KDM4C: variants seen among roughly 807,000 people sequenced by gnomAD.
KDM4C encodes the protein lysine demethylase 4C.
Under a neutral mutation model 129.3 loss-of-function variants are expected in KDM4C, and 81 were observed. That is an observed-to-expected ratio of 0.63 (90% CI 0.52 to 0.75). The LOEUF (loss-of-function observed/expected upper bound fraction) is 0.75, where lower values mean the gene tolerates loss of function less well. Ranked by LOEUF, KDM4C falls within the 30% of genes least tolerant of loss-of-function variation. The pLI, the probability that KDM4C is intolerant of heterozygous loss-of-function variation, is 0.00. For missense variants in KDM4C, 1,457 were observed against 1,304.0 expected (o/e 1.12, Z -1.81); for synonymous variants, 573 against 456.1 (o/e 1.26, Z -3.26).
chr9:7,094,176 G>C (rs191731981), intron 17 of KDM4C, among the ~76,000 whole-genome samples: 5 of 152,266 alleles, frequency 3.3e-5, no homozygotes, highest in Admixed American at 1.3e-4. Context: ...CCATTTACTT[G>C]TCCTCAAAGG....
At chr9:7,122,258 C>G (rs1335073865) in intron 18 of KDM4C, among the ~76,000 whole-genome samples, 2 of 126,870 alleles carry the variant, frequency 1.6e-5, no homozygotes, top group Non-Finnish European at 3.2e-5. Flanking sequence ...CACACACACA[C>G]ACACACACTC....
intron 10 of KDM4C, among the ~76,000 whole-genome samples, chr9:6,984,755 ATAAT>A (rs144946531): frequency 0.013 from 1,918 of 152,300 alleles, 22 homozygotes; most frequent in Admixed American, 0.023. Context: ...CCAATTATAG[ATAAT>A]TCTTTGTAGA....
chr9:6,967,222 A>G (rs1367451947), intron 8 of KDM4C, among the ~76,000 whole-genome samples: 1 of 152,000 alleles, frequency 6.6e-6, no homozygotes. Context: ...TCAGGAGTTC[A>G]AGACCAACCT....
In KDM4C at chr9:7,015,938, C is replaced by CT; in HGVS notation, c.2259+11dup. On this transcript the variant is annotated intron_variant, in intron 15 of 21. Coordinates refer to ENST00000381309, the MANE Select transcript of KDM4C (RefSeq NM_015061.6). ...GAAATGCGTGGACAGCAGTAAGTAG[C>CT]TTATTTTAGTATTGCTTAACCTTTC... The CT allele has an allele frequency of 6.2e-7, 1 of 1,600,470 alleles. No homozygotes were observed. The highest frequency in any genetic ancestry group is 8.6e-7 in the Non-Finnish European group (1 of 1,168,438).
At chr9:7,154,607 A>T (rs1411178422) in intron 19 of KDM4C, among the ~76,000 whole-genome samples, 1 of 152,192 alleles carries the variant, frequency 6.6e-6, no homozygotes, top group Non-Finnish European at 1.5e-5. Context: ...CTTTTAGTTG[A>T]TGGAGCAAGT....
intron 17 of KDM4C, among the ~76,000 whole-genome samples, chr9:7,089,971 C>G (rs555600047): frequency 1.3e-5 from 2 of 152,318 alleles, no homozygotes; most frequent in South Asian, 4.1e-4. Context: ...GCCTGCCTGC[C>G]CATGCCAGTG....
At chr9:6,980,450 C>T (rs818913) in intron 8 of KDM4C, among the ~76,000 whole-genome samples, 112,818 of 152,096 alleles carry the variant, frequency 0.74, 42,199 homozygotes, top group Middle Eastern at 0.81. Context: ...TATGAGAGTT[C>T]GTTAATAACC....
intron 1 of KDM4C, among the ~76,000 whole-genome samples, chr9:6,742,076 G>A (rs1321156324): frequency 3.9e-5 from 6 of 151,954 alleles, no homozygotes; most frequent in Admixed American, 6.6e-5. Context: ...GGGTTCAAGC[G>A]ATTTTCCTGC....
intron 1 of KDM4C, among the ~76,000 whole-genome samples, chr9:6,749,969 A>T (rs1040741693): frequency 1.4e-5 from 2 of 138,454 alleles, no homozygotes; most frequent in African/African-American, 5.6e-5. Flanking sequence ...CTGGGCAACA[A>T]CAGTGAAACT....
rs1287489261 is a variant in KDM4C at position 6,746,323 on chromosome 9, C to T, written c.49+25326C>T. On this transcript the variant is annotated intron_variant, in intron 1 of 17. Transcript: ENST00000536108. ...TTGCTCTGTCGCCCAGGCTGGAGTG[C>T]AGTGGAGCAATCTCGGCTCACTGCA... 3.0e-5 allele frequency among the ~76,000 whole-genome samples: 4 copies of T among 131,434 alleles called. No homozygotes were observed. The South Asian group carries it at 7.3e-4, about 24-fold the overall frequency. The allele number at this position is 131,434 out of a possible 152,430, so 86.2% of individuals were successfully genotyped here.
chr9:7,101,531 G>A (rs1837088858), intron 17 of KDM4C, among the ~76,000 whole-genome samples: 1 of 152,056 alleles, frequency 6.6e-6, no homozygotes. Context: ...AGTTATAATA[G>A]TTTACTGTTA....
At chr9:6,857,502 T>C (rs369213595) in intron 5 of KDM4C, among the ~76,000 whole-genome samples, 227 of 152,262 alleles carry the variant, frequency 1.5e-3, no homozygotes, top group African/African-American at 5.4e-3. Flanking sequence ...CCCAAAACAT[T>C]GATCTCTGTG....
chr9:6,726,714 T>G (rs1157862591), intron 1 of KDM4C: 1 of 152,202 alleles, frequency 6.6e-6, no homozygotes, highest in Non-Finnish European at 1.5e-5. Flanking sequence ...AGAATTGCCT[T>G]AATCTTTTTA....
At chr9:6,993,336 T>G (rs965842680) in intron 12 of KDM4C, among the ~76,000 whole-genome samples, 6 of 152,200 alleles carry the variant, frequency 3.9e-5, no homozygotes, top group African/African-American at 1.2e-4. Context: ...ACTGCCTCTT[T>G]TTTTCTTTTA....
At chr9:6,820,909 C>T (rs1441779233) in intron 4 of KDM4C, among the ~76,000 whole-genome samples, 12 of 150,554 alleles carry the variant, frequency 8.0e-5, no homozygotes, top group African/African-American at 2.5e-4. Context: ...TGTGATGTTC[C>T]CTGCCCTGTG....
chr9:6,744,091 A>C (rs1817795451), intron 1 of KDM4C, among the ~76,000 whole-genome samples: 1 of 103,798 alleles, frequency 9.6e-6, no homozygotes, highest in East Asian at 3.4e-4. Flanking sequence ...CCAGATAACA[A>C]CACTTTGTTA....
chr9:7,094,089 C>A (rs1836127400), intron 17 of KDM4C, among the ~76,000 whole-genome samples: 1 of 152,156 alleles, frequency 6.6e-6, no homozygotes, highest in African/African-American at 2.4e-5. Context: ...ACCATCTTTA[C>A]CTATCCAGTG....
intron 18 of KDM4C, among the ~76,000 whole-genome samples, chr9:7,115,225 G>T (rs769865260): frequency 6.6e-6 from 1 of 151,818 alleles, no homozygotes; most frequent in Non-Finnish European, 1.5e-5. Flanking sequence ...TATTTTTTTC[G>T]TAGATAAGGT....
At chr9:6,801,301 G>T (rs1252952220) in intron 2 of KDM4C, among the ~76,000 whole-genome samples, 2 of 132,122 alleles carry the variant, frequency 1.5e-5, no homozygotes, top group Non-Finnish European at 3.1e-5. Flanking sequence ...TCCCCAGGCT[G>T]GAGTGCAGTG....
Sources: allele counts gnomAD v4.1 joint callset (sites outside exome capture counted in the v4.1 genomes callset), GRCh38; gene constraint gnomAD v4.1.1; transcripts MANE v1.5; gene names NCBI Gene and HGNC (gene_info 2026-07-23, HGNC 2026-07-21).